Variants in NRXN3 observed in about 807,000 individuals in gnomAD.
NRXN3 encodes neurexin 3.
Under a neutral mutation model 137.6 loss-of-function variants are expected in NRXN3, and 32 were observed. The observed-to-expected ratio is 0.23, with a 90% confidence interval of 0.18 to 0.31. NRXN3 has a LOEUF of 0.31. Ranked by LOEUF, NRXN3 falls within the 10% of genes least tolerant of loss-of-function variation. The pLI is 1.00. For missense variants in NRXN3, 1,574 were observed against 2,062.5 expected, an observed-to-expected ratio of 0.76 and a Z score of 4.59; for synonymous variants, 798 against 784.5, an observed-to-expected ratio of 1.02 and a Z score of -0.29.
At chr14:79,742,636 T>C (rs1441674069) in intron 19 of NRXN3, among the ~76,000 whole-genome samples, 4 of 152,168 alleles carry the variant, frequency 2.6e-5, no homozygotes, top group Non-Finnish European at 4.4e-5. Flanking sequence ...TATGTTCTGG[T>C]TTTTGAAAAA....
intron 8 of NRXN3, among the ~76,000 whole-genome samples, chr14:78,729,821 T>A (rs1054438018): frequency 1.1e-4 from 17 of 152,300 alleles, no homozygotes; most frequent in African/African-American, 4.1e-4. Context: ...CCATCGGCTA[T>A]GTATCCCCAG....
chr14:78,733,813 T>C (rs1001959527), intron 8 of NRXN3, among the ~76,000 whole-genome samples: 1 of 152,168 alleles, frequency 6.6e-6, no homozygotes. Context: ...AGAGTATTTA[T>C]TGAGACCGTA....
intron 4 of NRXN3, among the ~76,000 whole-genome samples, chr14:78,596,911 C>T (rs2097161914): frequency 6.6e-6 from 1 of 152,148 alleles, no homozygotes; most frequent in African/African-American, 2.4e-5. Context: ...GAGAAAATAG[C>T]TCAAGTGATG....
intron 14 of NRXN3, among the ~76,000 whole-genome samples, chr14:78,977,140 T>TTAAAC (rs1046612364): frequency 6.6e-6 from 1 of 152,288 alleles, no homozygotes; most frequent in African/African-American, 2.4e-5. Flanking sequence ...TAGTAAGTGA[T>TTAAAC]TAAACTGGAT....
chr14:78,757,830 T>C (rs1189524144), intron 8 of NRXN3, among the ~76,000 whole-genome samples: 1 of 152,182 alleles, frequency 6.6e-6, no homozygotes, highest in Non-Finnish European at 1.5e-5. Context: ...TTTGGCAAAA[T>C]TGGGTGAAGG....
intron 8 of NRXN3, among the ~76,000 whole-genome samples, chr14:78,752,854 A>G (rs926130117): frequency 2.0e-5 from 3 of 152,138 alleles, no homozygotes; most frequent in Non-Finnish European, 4.4e-5. Flanking sequence ...GCTTTATTCT[A>G]AGGACATCAG....
At chr14:78,230,961 G>A (rs980618796) in intron 1 of NRXN3, among the ~76,000 whole-genome samples, 2 of 152,206 alleles carry the variant, frequency 1.3e-5, no homozygotes, top group South Asian at 2.1e-4. Context: ...AGGGATACCT[G>A]TTGGGAGAAC....
intron 4 of NRXN3, among the ~76,000 whole-genome samples, chr14:78,541,984 T>C (rs1316011200): frequency 6.6e-6 from 1 of 152,082 alleles, no homozygotes; most frequent in Non-Finnish European, 1.5e-5. Flanking sequence ...ACAGCAAATA[T>C]TGCAGAACAG....
intron 15 of NRXN3, among the ~76,000 whole-genome samples, chr14:79,227,712 C>G (rs1015178298): frequency 2.6e-5 from 4 of 151,266 alleles, no homozygotes; most frequent in Admixed American, 1.3e-4. Flanking sequence ...TTTTTCTTTT[C>G]TTTCTTTTTC....
chr14:78,560,718 G>A (rs1343359116), intron 4 of NRXN3, among the ~76,000 whole-genome samples: 2 of 152,212 alleles, frequency 1.3e-5, no homozygotes, highest in Non-Finnish European at 2.9e-5. Context: ...ATGCAGGCAG[G>A]TCTGGAGACA....
At chr14:79,282,234 A>T (rs984886846) in intron 15 of NRXN3, among the ~76,000 whole-genome samples, 16 of 152,138 alleles carry the variant, frequency 1.1e-4, no homozygotes, top group African/African-American at 3.9e-4. Flanking sequence ...TAAGACAGGA[A>T]AAAAAGAGGG....
At chr14:78,601,800 A>G (rs897783482) in intron 4 of NRXN3, among the ~76,000 whole-genome samples, 1 of 152,152 alleles carries the variant, frequency 6.6e-6, no homozygotes, top group South Asian at 2.1e-4. Flanking sequence ...ATCTTCTGCC[A>G]TCTTGGTCCA....
Position 78,251,493 on chromosome 14 carries a change from C to T in NRXN3, c.709+7691C>T, listed in dbSNP as rs77471429. 2.4e-3 allele frequency among the ~76,000 whole-genome samples: 367 copies of T among 152,270 alleles called. 1 individual carries two copies. The highest frequency in any genetic ancestry group is 7.1e-3 in the African/African-American group (296 of 41,570). On this transcript the variant is annotated intron_variant, in intron 2 of 20. Coordinates refer to ENST00000335750, the MANE Select transcript of NRXN3 (RefSeq NM_001330195.2). ...GCAACAGGTCCCACCTCTGTGGATC[C>T]GCCTCTGTTAACACAACTTGTTGCT... is the stretch of plus-strand genomic sequence containing the variant.
rs946544337 is a variant in NRXN3, at chr14:79,863,567, G to C, written c.*1603G>C. The C allele has an allele frequency of 4.0e-5, 6 of 150,626 alleles. No homozygotes were observed. Among genetic ancestry groups the C allele is most frequent in the African/African-American group, 1.5e-4 (6 of 41,184 alleles). 9.3% of individuals were successfully genotyped at this position (150,626 alleles called of 1,614,324 possible). A position where few individuals can be genotyped will look rare whatever the true frequency, so the allele number is the denominator to read the frequency against. On this transcript the variant is annotated 3_prime_UTR_variant, in exon 21 of 21. Coordinates refer to ENST00000335750, the MANE Select transcript of NRXN3 (RefSeq NM_001330195.2). Reference sequence around the variant, plus strand: ...TTACATATTTTACTACATTTTTGCTGGTATAATTCCTTAGCCACCTATGTA... The same window carrying C: ...TTACATATTTTACTACATTTTTGCTCGTATAATTCCTTAGCCACCTATGTA...
At chr14:79,144,110 G>T (rs2059074716) in intron 15 of NRXN3, among the ~76,000 whole-genome samples, 1 of 152,170 alleles carries the variant, frequency 6.6e-6, no homozygotes, top group African/African-American at 2.4e-5. Flanking sequence ...ACAAAAGTTG[G>T]ATTCATTTTA....
intron 15 of NRXN3, among the ~76,000 whole-genome samples, chr14:79,445,344 A>C (rs1295501120): frequency 6.6e-6 from 1 of 152,004 alleles, no homozygotes; most frequent in Admixed American, 6.6e-5. Context: ...ATCTCAAAAA[A>C]AAAAAGAAAG....
At chr14:79,552,332 C>T (rs977071004) in intron 16 of NRXN3, among the ~76,000 whole-genome samples, 1 of 152,100 alleles carries the variant, frequency 6.6e-6, no homozygotes, top group Non-Finnish European at 1.5e-5. Context: ...TGGGAAGTAG[C>T]CCAGCATTCT....
intron 16 of NRXN3, among the ~76,000 whole-genome samples, chr14:79,604,372 C>A (rs1435299878): frequency 6.6e-6 from 1 of 151,546 alleles, no homozygotes. Flanking sequence ...GTAGCTGGGG[C>A]TACAGGCGCC....
chr14:79,635,505 AT>A, intron 16 of NRXN3, among the ~76,000 whole-genome samples: 1 of 152,106 alleles, frequency 6.6e-6, no homozygotes, highest in East Asian at 1.9e-4. Context: ...AACAAGACTT[AT>A]TTTTTTCCTA....
Sources: gnomAD v4.1 joint callset for allele counts (sites outside exome capture counted in the v4.1 genomes callset) on GRCh38, gnomAD v4.1.1 for gene constraint, MANE v1.5 for transcripts, NCBI Gene and HGNC (gene_info 2026-07-23, HGNC 2026-07-21) for gene names.